NELL1: variants seen among roughly 807,000 people sequenced by gnomAD.
The protein encoded by NELL1 is neural EGFL like 1.
In NELL1, 76 loss-of-function variants were observed where a neutral mutation model predicts 107.4. That is an observed-to-expected ratio of 0.71 (90% confidence interval 0.59 to 0.86). The LOEUF (loss-of-function observed/expected upper bound fraction) is 0.86, where lower values mean the gene tolerates loss of function less well. Among genes scored for constraint, NELL1 ranks in the 40% least tolerant of loss-of-function variants. The pLI is 0.00. For synonymous variants in NELL1, 353 were observed against 341.2 expected, an observed-to-expected ratio of 1.03 and a Z score of -0.38; for missense variants, 1,024 against 1,005.5, an observed-to-expected ratio of 1.02 and a Z score of -0.25.
intron 14 of NELL1, among the ~76,000 whole-genome samples, chr11:21,272,239 C>T (rs1431914761): frequency 1.3e-5 from 2 of 152,186 alleles, no homozygotes; most frequent in African/African-American, 4.8e-5. Context: ...TAGCAAATGG[C>T]ACACCAGGAG....
At chr11:21,546,444 CATTTT>C (rs1856444818) in intron 16 of NELL1, among the ~76,000 whole-genome samples, 1 of 151,986 alleles carries the variant, frequency 6.6e-6, no homozygotes, top group African/African-American at 2.4e-5. Context: ...ACCCAAATCT[CATTTT>C]GAATTGTAGC....
intron 14 of NELL1, among the ~76,000 whole-genome samples, chr11:21,254,798 G>A (rs557008288): frequency 3.7e-4 from 56 of 152,174 alleles, no homozygotes; most frequent in Non-Finnish European, 6.2e-4. Context: ...ACATTTCACA[G>A]CCATTTCTGA....
chr11:20,736,879 C>T (rs1275047466), intron 2 of NELL1, among the ~76,000 whole-genome samples: 3 of 151,780 alleles, frequency 2.0e-5, no homozygotes, highest in Non-Finnish European at 4.4e-5. Flanking sequence ...CTCAGCCTCC[C>T]GAGTAGCTGG....
At chr11:20,890,574 A>G (rs1455918668) in intron 5 of NELL1, among the ~76,000 whole-genome samples, 1 of 152,218 alleles carries the variant, frequency 6.6e-6, no homozygotes, top group East Asian at 1.9e-4. Context: ...GAGTTAAAGG[A>G]GCATGTTCTA....
chr11:20,813,023 A>G (rs1389037463), intron 3 of NELL1, among the ~76,000 whole-genome samples: 34 of 133,422 alleles, frequency 2.5e-4, no homozygotes, highest in African/African-American at 9.6e-4. Flanking sequence ...AAAAAAAAAA[A>G]AAAAAAAAAA....
intron 14 of NELL1, among the ~76,000 whole-genome samples, chr11:21,258,352 TTGTC>T (rs776610873): frequency 9.2e-5 from 14 of 152,004 alleles, no homozygotes; most frequent in Non-Finnish European, 1.9e-4. Context: ...ATTAGCACTG[TTGTC>T]TTGGTAAAGT....
intron 15 of NELL1, among the ~76,000 whole-genome samples, chr11:21,481,766 T>C (rs1246294269): frequency 6.6e-6 from 1 of 152,174 alleles, no homozygotes; most frequent in African/African-American, 2.4e-5. Flanking sequence ...AGCCCCACAA[T>C]GCCCAAAACA....
intron 15 of NELL1, among the ~76,000 whole-genome samples, chr11:21,519,596 G>C (rs1282095355): frequency 2.6e-5 from 4 of 151,326 alleles, no homozygotes; most frequent in Non-Finnish European, 5.9e-5. Flanking sequence ...GCAAGTCAAG[G>C]TTCTTCTAAT....
intron 4 of NELL1, among the ~76,000 whole-genome samples, chr11:20,875,420 C>CA (rs1849285375): frequency 1.3e-5 from 2 of 152,084 alleles, no homozygotes; most frequent in Admixed American, 1.3e-4. Flanking sequence ...AGCCTATATT[C>CA]TAGCCAGGTA....
At chr11:21,165,448 C>T (rs529572236) in intron 13 of NELL1, among the ~76,000 whole-genome samples, 2 of 152,218 alleles carry the variant, frequency 1.3e-5, no homozygotes, top group East Asian at 1.9e-4. Context: ...ATGAGCATTC[C>T]GGAGTTACCT....
At chr11:21,477,787 A>G (rs1179986641) in intron 15 of NELL1, among the ~76,000 whole-genome samples, 1 of 151,764 alleles carries the variant, frequency 6.6e-6, no homozygotes, top group Non-Finnish European at 1.5e-5. Flanking sequence ...ACTCAGTGAA[A>G]TTCAAGATAA....
intron 11 of NELL1, among the ~76,000 whole-genome samples, chr11:20,949,851 G>A (rs2134201641): frequency 6.6e-6 from 1 of 152,288 alleles, no homozygotes; most frequent in East Asian, 1.9e-4. Context: ...ATCTTAGGCA[G>A]GGCCCGTCTA....
Position 20,937,793 on chromosome 11 carries a change from T to C in NELL1, c.1005T>C (p.Cys335=), listed in dbSNP as rs756250761. Residue 335 remains cysteine, a synonymous_variant, in exon 10 of 20, where the codon TGT becomes TGC. Transcript: ENST00000357134. ...TTTTATGTTTTATTACAGCAAAATG[T>C]ATCTATGGAGGAAAAGTTCTTGCAG... The part of the protein sequence containing the change: ...GQCCKVCRPK[C]IYGGKVLAEG... 1 of 1,613,972 alleles carries C rather than the reference T, an allele frequency of 6.2e-7. No individual in the cohort carries two copies. The highest frequency in any genetic ancestry group is 8.5e-7 in the Non-Finnish European group (1 of 1,179,874).
At chr11:21,055,310 A>C (rs576071475) in intron 12 of NELL1, among the ~76,000 whole-genome samples, 72 of 151,666 alleles carry the variant, frequency 4.7e-4, no homozygotes, top group African/African-American at 1.4e-3. Flanking sequence ...AAATTGTTTT[A>C]TTCTTCTTTT....
chr11:21,158,534 A>G lies in NELL1; in HGVS notation c.1426+44820A>G, dbSNP rs77344244. 8.1e-3 allele frequency among the ~76,000 whole-genome samples: 1,241 copies of G among 152,298 alleles called. 56 individuals carry two copies. In the South Asian group the frequency reaches 0.11, roughly 13 times the overall value. The stretch of plus-strand genomic sequence containing the variant: ...ATAAATACATAATCATTTGAATGTT[A>G]GATGTGATCTTTCCACTTTTACATT... On this transcript the variant is annotated intron_variant, in intron 13 of 19. Transcript: ENST00000357134.
At chr11:21,365,524 CAG>C (rs758407948) in intron 14 of NELL1, among the ~76,000 whole-genome samples, 11 of 152,242 alleles carry the variant, frequency 7.2e-5, no homozygotes, top group Admixed American at 3.9e-4. Context: ...TTTCAACAAA[CAG>C]AATTTACCAT....
chr11:21,480,671 T>A (rs1854469338), intron 15 of NELL1, among the ~76,000 whole-genome samples: 1 of 152,210 alleles, frequency 6.6e-6, no homozygotes, highest in Non-Finnish European at 1.5e-5. Context: ...GCATGTGCAA[T>A]GGGAAAGCGA....
At chr11:20,885,381 A>G (rs1849487101) in intron 4 of NELL1, 63 bp from the exon 5 acceptor site, 2 of 999,566 alleles carry the variant, frequency 2.0e-6, no homozygotes, top group Admixed American at 1.7e-5. Flanking sequence ...TTCAAACAGC[A>G]TATGCACCTT....
At chr11:20,873,580 G>A (rs1001220784) in intron 4 of NELL1, among the ~76,000 whole-genome samples, 1 of 152,186 alleles carries the variant, frequency 6.6e-6, no homozygotes, top group African/African-American at 2.4e-5. Flanking sequence ...GGAAAATCCT[G>A]TGTGGTAGAT....
Sources: gnomAD v4.1 joint callset for allele counts (sites outside exome capture counted in the v4.1 genomes callset) on GRCh38, gnomAD v4.1.1 for gene constraint, MANE v1.5 for transcripts, NCBI Gene and HGNC (gene_info 2026-07-23, HGNC 2026-07-21) for gene names.